The following OSGIN2 variants were observed in gnomAD, a reference collection of about 807,000 sequenced individuals.
OSGIN2 encodes oxidative stress induced growth inhibitor family member 2.
OSGIN2 carries 19 observed loss-of-function variants against 53.8 expected under a neutral mutation model. That is an observed-to-expected ratio of 0.35 (90% CI 0.25 to 0.52). The LOEUF (loss-of-function observed/expected upper bound fraction) is 0.52, where lower values mean the gene tolerates loss of function less well. Among genes scored for constraint, OSGIN2 ranks in the 20% least tolerant of loss-of-function variants. The pLI, the probability that OSGIN2 is intolerant of heterozygous loss-of-function variation, is 0.95. For synonymous variants in OSGIN2, 236 were observed against 236.0 expected (o/e 1.00, Z 0.00); for missense variants, 520 against 662.7 (o/e 0.78, Z 2.36).
intron 1 of OSGIN2, among the ~76,000 whole-genome samples, chr8:89,905,205 A>G (rs1303989524): frequency 6.6e-6 from 1 of 152,220 alleles, no homozygotes; most frequent in African/African-American, 2.4e-5. Flanking sequence ...TGTTTCAAAA[A>G]CAAAAAATGG....
In OSGIN2 at chr8:89,914,584, G is replaced by T; in HGVS notation, c.366G>T (p.Glu122Asp). Residue 122 changes from glutamate to aspartate, a missense_variant, in exon 4 of 6, where the codon GAG becomes GAT. Glu to Asp is a conservative substitution (Grantham distance 45). Coordinates refer to ENST00000451899, the MANE Select transcript of OSGIN2 (RefSeq NM_001126111.3). The stretch of plus-strand genomic sequence containing the variant: ...TAGAATACTTGTCTGAGGGCCTTGA[G>T]GGCCGATCATCCAATCCAGTTGCAG... Reference protein sequence around the residue: ...QDLEYLSEGLEGRSSNPVAVL... With the variant: ...QDLEYLSEGLDGRSSNPVAVL... 1 of 1,614,012 alleles carries T rather than the reference G, an allele frequency of 6.2e-7. No individual in the cohort carries two copies. The highest frequency in any genetic ancestry group is 1.3e-5 in the African/African-American group (1 of 75,050).
At chr8:89,921,480 C>G (rs932848224) in intron 5 of OSGIN2, among the ~76,000 whole-genome samples, 1 of 152,130 alleles carries the variant, frequency 6.6e-6, no homozygotes, top group Non-Finnish European at 1.5e-5. Context: ...TATTATTTTT[C>G]ATACTTTATT....
intron 2 of OSGIN2, 142 bp downstream of exon 2, chr8:89,909,863 TC>T (rs1808932943): frequency 4.1e-6 from 2 of 486,944 alleles, no homozygotes; most frequent in African/African-American, 3.9e-5. Context: ...AATAACCAAA[TC>T]TTTGGAGAGT....
chr8:89,906,131 G>C (rs1808833955), intron 1 of OSGIN2, among the ~76,000 whole-genome samples: 1 of 152,080 alleles, frequency 6.6e-6, no homozygotes, highest in Admixed American at 6.5e-5. Context: ...TTCTTACATA[G>C]GTAAACATGT....
At chr8:89,909,545 TC>T (rs199606073) in intron 1 of OSGIN2, 21 bp from the exon 2 acceptor site, 19 of 1,344,514 alleles carry the variant, frequency 1.4e-5, no homozygotes, top group Admixed American at 1.2e-4. Flanking sequence ...CTCTTTTTAT[TC>T]CCCCTTTTTT....
intron 1 of OSGIN2, among the ~76,000 whole-genome samples, chr8:89,908,244 A>G (rs1339331154): frequency 6.6e-6 from 1 of 152,190 alleles, no homozygotes; most frequent in African/African-American, 2.4e-5. Flanking sequence ...GTAGGCTTGC[A>G]CTGTGAGGAG....
intron 4 of OSGIN2, among the ~76,000 whole-genome samples, chr8:89,918,310 G>A (rs1035281835): frequency 1.3e-5 from 2 of 151,832 alleles, no homozygotes; most frequent in Non-Finnish European, 2.9e-5. Flanking sequence ...TTTTGTTGTT[G>A]TTGTTTTTGA....
chr8:89,911,554 C>T (rs374040881), intron 2 of OSGIN2, among the ~76,000 whole-genome samples: 1 of 150,640 alleles, frequency 6.6e-6, no homozygotes, highest in Non-Finnish European at 1.5e-5. Flanking sequence ...CGCCTGAACC[C>T]AGGAGGTGGA....
chr8:89,915,101 C>T (rs569746330), intron 4 of OSGIN2, among the ~76,000 whole-genome samples: 1 of 152,164 alleles, frequency 6.6e-6, no homozygotes, highest in Non-Finnish European at 1.5e-5. Context: ...TATTTTCTTA[C>T]ATTTTCAGAA....
In OSGIN2 at chr8:89,927,269, C is replaced by CT. The variant is rs960703467; in HGVS notation, c.*1744dup. ...AAGTCCACAGTTATTCAAACAATGG[C>CT]TTTTTTTGTGATGAGAGTATTTGTT... On this transcript the variant is annotated 3_prime_UTR_variant, in exon 6 of 6. Transcript: ENST00000451899. The CT allele has an allele frequency of 2.7e-5, 4 of 147,904 alleles. No homozygotes were observed. The highest frequency in any genetic ancestry group is 3.0e-5 in the Non-Finnish European group (2 of 67,544). 9.2% of individuals were successfully genotyped at this position (147,904 alleles called of 1,614,324 possible).
At chr8:89,913,725 T>G (rs181621910) in intron 2 of OSGIN2, among the ~76,000 whole-genome samples, 1 of 152,326 alleles carries the variant, frequency 6.6e-6, no homozygotes, top group East Asian at 1.9e-4. Flanking sequence ...ATGAAGGGAC[T>G]CATGAGCTTG....
chr8:89,905,547 A>G (rs1808822087), intron 1 of OSGIN2, among the ~76,000 whole-genome samples: 1 of 150,746 alleles, frequency 6.6e-6, no homozygotes, highest in South Asian at 2.1e-4. Context: ...ATAATTACTA[A>G]AAGTCTTGTT....
chr8:89,926,392 AACT>A lies in OSGIN2; in HGVS notation c.*864_*866del, dbSNP rs1481708315. 10 of 152,672 alleles carry A rather than the reference AACT, an allele frequency of 6.5e-5. No individual in the cohort carries two copies. The highest frequency in any genetic ancestry group is 1.5e-4 in the Non-Finnish European group (10 of 68,024). The allele number at this position is 152,672 out of a possible 1,614,324, so 9.5% of individuals were successfully genotyped here. On this transcript the variant is annotated 3_prime_UTR_variant, in exon 6 of 6. Coordinates refer to ENST00000451899, the MANE Select transcript of OSGIN2 (RefSeq NM_001126111.3). ...TTGTAGTTCAATAAATTGTGGGTTG[AACT>A]ACTTATCCCTGTGTGAACATTGAAT...
chr8:89,907,590 T>A (rs1251448257), intron 1 of OSGIN2, among the ~76,000 whole-genome samples: 1 of 152,058 alleles, frequency 6.6e-6, no homozygotes, highest in East Asian at 1.9e-4. Flanking sequence ...TGGTCTTATT[T>A]GTGGGTTTTC....
At chr8:89,915,600 T>C (rs1394366313) in intron 4 of OSGIN2, among the ~76,000 whole-genome samples, 1 of 152,232 alleles carries the variant, frequency 6.6e-6, no homozygotes, top group East Asian at 1.9e-4. Context: ...TCTTAGCAGT[T>C]AACACTGTGT....
intron 4 of OSGIN2, among the ~76,000 whole-genome samples, chr8:89,917,409 T>C (rs1809102947): frequency 6.6e-6 from 1 of 152,230 alleles, no homozygotes; most frequent in South Asian, 2.1e-4. Context: ...CCAGCCCAGC[T>C]TCTGTAGTCC....
At chr8:89,911,762 G>A (rs995399580) in intron 2 of OSGIN2, among the ~76,000 whole-genome samples, 2 of 151,244 alleles carry the variant, frequency 1.3e-5, no homozygotes, top group African/African-American at 4.9e-5. Context: ...GTGAAACCTT[G>A]TCTCTACTAA....
intron 2 of OSGIN2, among the ~76,000 whole-genome samples, 180 bp downstream of exon 2, chr8:89,909,901 G>T (rs1808933697): frequency 2.0e-5 from 3 of 152,182 alleles, no homozygotes; most frequent in Non-Finnish European, 4.4e-5. Flanking sequence ...TTTAGCATCT[G>T]TGTTAAAATG....
Position 89,924,933 on chromosome 8 carries a change from G to A in OSGIN2, c.1051G>A (p.Val351Ile). Residue 351 changes from valine (V) to isoleucine (I), a missense_variant, in exon 6 of 6, where the codon GTA (valine) becomes ATA (isoleucine). Physicochemically the swap from Val to Ile is conservative, Grantham distance 29 (BLOSUM62 3). This residue lies in a region of OSGIN2 where 239 missense variants were observed against 328.3 expected (regional missense o/e 0.73). Transcript: ENST00000451899. ...TGGCAAAGTGGATCCAGTGTTAATTGTAGGTTCTGGGCTTACTGCCGCTGA... is the reference window on the plus strand; with the variant it reads ...TGGCAAAGTGGATCCAGTGTTAATTATAGGTTCTGGGCTTACTGCCGCTGA... ...LRGKVDPVLI[V>I]GSGLTAADAV... is the part of the protein sequence containing the mutation. 6.2e-7 allele frequency: 1 copy of A among 1,614,176 alleles called. No homozygotes were observed. The highest frequency in any genetic ancestry group is 1.3e-5 in the African/African-American group (1 of 75,042).
Sources: gnomAD v4.1 joint callset for allele counts (sites outside exome capture counted in the v4.1 genomes callset) on GRCh38, gnomAD v4.1.1 for gene constraint, gnomAD v4.1.1 regional missense constraint, MANE v1.5 for transcripts, NCBI Gene and HGNC (gene_info 2026-07-23, HGNC 2026-07-21) for gene names.